VPS13B: variants seen among roughly 807,000 people sequenced by gnomAD.
VPS13B encodes intermembrane lipid transfer protein VPS13B.
Under a neutral mutation model 426.4 loss-of-function variants are expected in VPS13B, and 285 were observed. That is an observed-to-expected ratio of 0.67 (90% CI 0.61 to 0.74). VPS13B has a LOEUF of 0.74. VPS13B is among the 30% of genes least tolerant of loss of function. The probability of loss-of-function intolerance (pLI) is 0.00; values close to 1 mark genes in which losing one functional copy is unlikely to be tolerated. For missense variants in VPS13B, 4,537 were observed against 4,782.6 expected (o/e 0.95, Z 1.51); for synonymous variants, 1,676 against 1,676.4 (o/e 1.00, Z 0.01).
chr8:99,143,384 A>G (rs562482952), intron 13 of VPS13B, among the ~76,000 whole-genome samples: 2 of 152,194 alleles, frequency 1.3e-5, no homozygotes, highest in African/African-American at 4.8e-5. Flanking sequence ...ATTTGCCAGT[A>G]TTTGTCAGTA....
intron 14 of VPS13B, among the ~76,000 whole-genome samples, chr8:99,155,374 A>G (rs1811304401): frequency 2.6e-5 from 4 of 152,164 alleles, no homozygotes. Context: ...GAAGAGAGAA[A>G]ACTAATCTAT....
At chr8:99,790,635 G>T (rs899854131) in intron 43 of VPS13B, among the ~76,000 whole-genome samples, 1 of 152,142 alleles carries the variant, frequency 6.6e-6, no homozygotes, top group South Asian at 2.1e-4. Context: ...ATTGCATCTG[G>T]ATATGAACAA....
At chr8:99,013,989 T>C (rs1392761012) in intron 2 of VPS13B, 54 bp downstream of exon 2, 2 of 1,612,496 alleles carry the variant, frequency 1.2e-6, no homozygotes, top group African/African-American at 1.3e-5. Flanking sequence ...GTTTAGACGG[T>C]AATCTATTGT....
intron 2 of VPS13B, among the ~76,000 whole-genome samples, chr8:99,034,428 T>TA (rs397740183): frequency 6.6e-5 from 10 of 151,536 alleles, no homozygotes; most frequent in South Asian, 2.1e-4. Flanking sequence ...TTTTTTTTTT[T>TA]AAATTCTCTA....
At position 99,458,734 on chromosome 8, in the gene VPS13B, T is replaced by C. The variant is rs531762472; in HGVS notation, c.3446-8680T>C. Among the ~76,000 whole-genome samples the C allele has an allele frequency of 3.1e-3, 473 of 152,356 alleles. 2 individuals are homozygous for C. The highest frequency in any genetic ancestry group is 5.4e-3 in the Non-Finnish European group (366 of 68,034). On this transcript the variant is annotated intron_variant, in intron 23 of 61. Coordinates refer to ENST00000357162, the MANE Select transcript of VPS13B (RefSeq NM_152564.5). ...AATGTCTTCTTTTGAGAAGTGTCTG[T>C]TCATATCCTTCGCCCACTTTTTGAT...
chr8:99,744,056 C>A (rs941114145), intron 39 of VPS13B, among the ~76,000 whole-genome samples: 19 of 151,954 alleles, frequency 1.3e-4, no homozygotes, highest in Non-Finnish European at 2.5e-4. Flanking sequence ...AAATGGGAGA[C>A]AATTTTTGCA....
At chr8:99,102,145 G>A (rs1359677894) in intron 4 of VPS13B, among the ~76,000 whole-genome samples, 1 of 152,090 alleles carries the variant, frequency 6.6e-6, no homozygotes, top group East Asian at 1.9e-4. Flanking sequence ...AAATTTTGGA[G>A]ATTCTAAGCA....
chr8:99,073,674 C>T (rs953659236), intron 3 of VPS13B, among the ~76,000 whole-genome samples: 106 of 145,628 alleles, frequency 7.3e-4, no homozygotes, highest in African/African-American at 2.5e-3. Flanking sequence ...GTTTAACTTC[C>T]TCCTTTCCAT....
At chr8:99,277,277 G>A (rs1198793929) in intron 19 of VPS13B, among the ~76,000 whole-genome samples, 3 of 151,970 alleles carry the variant, frequency 2.0e-5, no homozygotes, top group Non-Finnish European at 4.4e-5. Context: ...AACCTAAAAT[G>A]TAATATATTT....
intron 21 of VPS13B, among the ~76,000 whole-genome samples, chr8:99,428,502 A>T (rs1563725026): frequency 6.6e-6 from 1 of 152,238 alleles, no homozygotes; most frequent in African/African-American, 2.4e-5. Context: ...TCAAGAGAAG[A>T]CATTTTTGCA....
At chr8:99,461,150 T>C (rs2133490549) in intron 23 of VPS13B, among the ~76,000 whole-genome samples, 1 of 149,024 alleles carries the variant, frequency 6.7e-6, no homozygotes, top group Non-Finnish European at 1.5e-5. Flanking sequence ...CTACTTCATG[T>C]ATTACTAGTT....
At chr8:99,517,686 G>A (rs1822159515) in intron 29 of VPS13B, among the ~76,000 whole-genome samples, 1 of 152,026 alleles carries the variant, frequency 6.6e-6, no homozygotes, top group Admixed American at 6.5e-5. Flanking sequence ...AATCTAGCAT[G>A]TCTAGAATGA....
rs1200459145 is a variant in VPS13B, at chr8:99,848,895, G to A, written c.10061+1G>A. ...GACCTATTTTAACCAATACCAACAG[G>A]TAGGTTTAATTATTTTCCCAGTGAC... On this transcript the variant is annotated splice_donor_variant, in intron 55 of 61. Coordinates refer to ENST00000357162, the MANE Select transcript of VPS13B (RefSeq NM_152564.5). LOFTEE classifies it high-confidence loss of function. 2 of 1,612,502 alleles carry A rather than the reference G, an allele frequency of 1.2e-6. No individual in the cohort carries two copies. The highest frequency in any genetic ancestry group is 1.7e-6 in the Non-Finnish European group (2 of 1,178,652).
At chr8:99,140,256 T>C (rs960965801) in intron 12 of VPS13B, among the ~76,000 whole-genome samples, 1 of 151,256 alleles carries the variant, frequency 6.6e-6, no homozygotes, top group African/African-American at 2.4e-5. Context: ...TCCCAGCTAC[T>C]TGGGAGGCTG....
At chr8:99,472,717 A>G (rs1279949850) in intron 24 of VPS13B, among the ~76,000 whole-genome samples, 4 of 152,028 alleles carry the variant, frequency 2.6e-5, no homozygotes, top group Non-Finnish European at 4.4e-5. Context: ...CAAAAAAGTG[A>G]GCAAGAGATA....
chr8:99,698,975 G>A (rs1301985544), intron 35 of VPS13B, among the ~76,000 whole-genome samples: 1 of 152,122 alleles, frequency 6.6e-6, no homozygotes, highest in Admixed American at 6.5e-5. Flanking sequence ...AGAGTGTAGG[G>A]AAAGGTACAG....
intron 33 of VPS13B, among the ~76,000 whole-genome samples, chr8:99,589,413 T>C (rs1826488337): frequency 6.6e-6 from 1 of 151,432 alleles, no homozygotes; most frequent in African/African-American, 2.4e-5. Flanking sequence ...TGTCCATGTG[T>C]TCTCATTGTT....
At chr8:99,653,822 T>A (rs1186387066) in intron 34 of VPS13B, among the ~76,000 whole-genome samples, 1 of 152,096 alleles carries the variant, frequency 6.6e-6, no homozygotes, top group Non-Finnish European at 1.5e-5. Context: ...GACCTGGGGT[T>A]TCAAACCAGG....
chr8:99,653,198 A>G (rs1364766276), intron 34 of VPS13B, among the ~76,000 whole-genome samples: 1 of 152,224 alleles, frequency 6.6e-6, no homozygotes, highest in Non-Finnish European at 1.5e-5. Context: ...AAGTGGAAAT[A>G]TGAAACATTA....
Sources: allele counts gnomAD v4.1 joint callset (sites outside exome capture counted in the v4.1 genomes callset), GRCh38; gene constraint gnomAD v4.1.1; transcripts MANE v1.5; gene names NCBI Gene and HGNC (gene_info 2026-07-23, HGNC 2026-07-21).